The following LINGO2 variants were observed in gnomAD, a reference collection of about 807,000 sequenced individuals.
LINGO2 encodes the protein leucine rich repeat and Ig domain containing 2, also known as leucine-rich repeat and immunoglobulin-like domain-containing nogo receptor-interacting protein 2.
In LINGO2, 14 loss-of-function variants were observed where a neutral mutation model predicts 30.6. The observed-to-expected ratio is 0.46, with a 90% CI of 0.30 to 0.72. LINGO2 has a LOEUF of 0.72. Ranked by LOEUF, LINGO2 falls within the 30% of genes least tolerant of loss-of-function variation. The pLI is 0.07. For missense variants in LINGO2, 729 were observed against 751.7 expected (o/e 0.97, Z 0.35); for synonymous variants, 317 against 288.5 (o/e 1.10, Z -1.00).
chr9:28,561,848 A>G (rs968530460), intron 1 of LINGO2, among the ~76,000 whole-genome samples: 7 of 149,638 alleles, frequency 4.7e-5, no homozygotes, highest in African/African-American at 1.7e-4. Flanking sequence ...TCACACTCCT[A>G]CAGACATACC....
chr9:28,842,479 T>C, the LINGO2 span, among the ~76,000 whole-genome samples: 2 of 151,854 alleles, frequency 1.3e-5, no homozygotes, highest in African/African-American at 4.9e-5. Flanking sequence ...GAATGGAGAT[T>C]GTCATGCCTT....
the LINGO2 span, among the ~76,000 whole-genome samples, chr9:28,714,178 T>TATATACATAC: frequency 2.2e-5 from 2 of 90,456 alleles, no homozygotes; most frequent in African/African-American, 1.3e-4. Flanking sequence ...TATATATATA[T>TATATACATAC]ATATATATAT....
the LINGO2 span, among the ~76,000 whole-genome samples, chr9:29,067,438 T>C: frequency 2.0e-5 from 3 of 151,788 alleles, no homozygotes; most frequent in African/African-American, 7.2e-5. Flanking sequence ...TTATAATTTC[T>C]TAATTTACCT....
chr9:28,419,905 G>A (rs529312901), intron 2 of LINGO2, among the ~76,000 whole-genome samples: 13 of 152,114 alleles, frequency 8.5e-5, no homozygotes, highest in Admixed American at 2.0e-4. Context: ...AATATAAAAG[G>A]TTGGCAAATT....
chr9:28,004,844 C>G (rs1349809650), intron 5 of LINGO2, among the ~76,000 whole-genome samples: 2 of 152,138 alleles, frequency 1.3e-5, no homozygotes, highest in Non-Finnish European at 2.9e-5. Flanking sequence ...GAGAATGCGG[C>G]AGGGATCTCT....
chr9:27,999,549 T>C (rs1307026223), intron 5 of LINGO2, among the ~76,000 whole-genome samples: 1 of 152,014 alleles, frequency 6.6e-6, no homozygotes, highest in Non-Finnish European at 1.5e-5. Flanking sequence ...GGATACTCAT[T>C]GGGCTTTTCA....
chr9:28,418,524 G>A (rs749922281), intron 2 of LINGO2, among the ~76,000 whole-genome samples: 5 of 151,940 alleles, frequency 3.3e-5, no homozygotes, highest in Middle Eastern at 3.2e-3. Flanking sequence ...TGATCTGCCC[G>A]CCTGTGCCTC....
intron 4 of LINGO2, among the ~76,000 whole-genome samples, chr9:28,015,202 GGGAT>G (rs1822766119): frequency 6.6e-6 from 1 of 152,068 alleles, no homozygotes; most frequent in African/African-American, 2.4e-5. Context: ...GATAGGAGCT[GGGAT>G]AACAAGTTCC....
chr9:28,818,026 G>A, the LINGO2 span, among the ~76,000 whole-genome samples: 2 of 152,328 alleles, frequency 1.3e-5, no homozygotes, highest in Admixed American at 6.5e-5. Context: ...AGCCCAGTCT[G>A]AGACGAATGA....
At chr9:27,988,194 G>A (rs1473044281) in intron 5 of LINGO2, among the ~76,000 whole-genome samples, 1 of 151,918 alleles carries the variant, frequency 6.6e-6, no homozygotes, top group East Asian at 1.9e-4. Flanking sequence ...ATTTTTTATG[G>A]CTGCATAGTA....
chr9:28,635,822 C>CTGTT (rs982138884), intron 1 of LINGO2, among the ~76,000 whole-genome samples: 1 of 151,690 alleles, frequency 6.6e-6, no homozygotes, highest in Non-Finnish European at 1.5e-5. Context: ...TTTTGTTTGT[C>CTGTT]TGTTTGTTTG....
At chr9:28,315,122 G>T (rs1284577269) in intron 3 of LINGO2, among the ~76,000 whole-genome samples, 1 of 151,220 alleles carries the variant, frequency 6.6e-6, no homozygotes, top group Admixed American at 6.6e-5. Flanking sequence ...ATCAGAGATG[G>T]ATAAAAAAAG....
At chr9:29,160,741 T>C in the LINGO2 span, among the ~76,000 whole-genome samples, 63 of 152,358 alleles carry the variant, frequency 4.1e-4, no homozygotes, top group South Asian at 0.012. Context: ...CAAATGTTGA[T>C]AGTTTTATAA....
At chr9:28,298,822 A>C (rs1346827561) in intron 3 of LINGO2, among the ~76,000 whole-genome samples, 1 of 152,204 alleles carries the variant, frequency 6.6e-6, no homozygotes, top group African/African-American at 2.4e-5. Context: ...TACAGAAGTG[A>C]TTGATAAATC....
At chr9:28,108,514 A>G (rs1472787147) in intron 4 of LINGO2, among the ~76,000 whole-genome samples, 1 of 152,124 alleles carries the variant, frequency 6.6e-6, no homozygotes, top group Non-Finnish European at 1.5e-5. Context: ...AAAGTCTGAG[A>G]GTAACATCAA....
chr9:28,218,998 T>C (rs1244568109), intron 4 of LINGO2, among the ~76,000 whole-genome samples: 2 of 152,180 alleles, frequency 1.3e-5, no homozygotes, highest in African/African-American at 4.8e-5. Flanking sequence ...TAGTGACCAT[T>C]TGCCAGAAAT....
the LINGO2 span, among the ~76,000 whole-genome samples, chr9:28,691,679 A>G: frequency 6.6e-6 from 1 of 152,196 alleles, no homozygotes; most frequent in Non-Finnish European, 1.5e-5. Flanking sequence ...GATAACTTGT[A>G]TTTAACATTT....
At chr9:29,043,883 T>C in the LINGO2 span, among the ~76,000 whole-genome samples, 1 of 151,980 alleles carries the variant, frequency 6.6e-6, no homozygotes, top group Non-Finnish European at 1.5e-5. Flanking sequence ...CAATGAACAA[T>C]GCACTGCTAC....
chr9:28,374,412 T>C (rs1241085132), intron 2 of LINGO2, among the ~76,000 whole-genome samples: 2 of 151,888 alleles, frequency 1.3e-5, no homozygotes, highest in African/African-American at 2.4e-5. Context: ...TGTAACAACA[T>C]AGAAAGAAGG....
Sources: gnomAD v4.1 joint callset for allele counts (sites outside exome capture counted in the v4.1 genomes callset) on GRCh38, gnomAD v4.1.1 for gene constraint, MANE v1.5 for transcripts, NCBI Gene and HGNC (gene_info 2026-07-23, HGNC 2026-07-21) for gene names.